The following OTUD7B variants were observed in gnomAD, a reference collection of about 807,000 sequenced individuals.
OTUD7B encodes the protein OTU deubiquitinase 7B.
Under a neutral mutation model 82.2 loss-of-function variants are expected in OTUD7B, and 34 were observed. The observed-to-expected ratio is 0.41, with a 90% confidence interval of 0.31 to 0.55. The LOEUF is 0.55. OTUD7B is among the 20% of genes least tolerant of loss of function. The pLI, the probability that OTUD7B is intolerant of heterozygous loss-of-function variation, is 0.20. For missense variants in OTUD7B, 944 were observed against 1,062.1 expected, an observed-to-expected ratio of 0.89 and a Z score of 1.55; for synonymous variants, 398 against 402.7, an observed-to-expected ratio of 0.99 and a Z score of 0.14.
chr1:150,007,670 C>G (rs1422910321), intron 1 of OTUD7B, among the ~76,000 whole-genome samples: 3 of 152,144 alleles, frequency 2.0e-5, no homozygotes, highest in African/African-American at 4.8e-5. Flanking sequence ...CATTACTCAG[C>G]AAGGATGTCT....
rs2092736185 is a variant in OTUD7B at position 149,937,882 on chromosome 1, A to G, written c.*5975T>C. On this transcript the variant is annotated 3_prime_UTR_variant, in exon 12 of 12. Coordinates refer to ENST00000581312, the MANE Select transcript of OTUD7B (RefSeq NM_020205.4). Reference sequence around the variant, plus strand: ...GCAGCAATCCTTAGATGGGGGCCCCAGTTTTCCAAAGTGACACTCAATTTT... The same window carrying G: ...GCAGCAATCCTTAGATGGGGGCCCCGGTTTTCCAAAGTGACACTCAATTTT... 6.6e-6 allele frequency: 1 copy of G among 152,200 alleles called. No individual in the cohort carries two copies. The highest frequency in any genetic ancestry group is 1.5e-5 in the Non-Finnish European group (1 of 68,052). The allele number at this position is 152,200 out of a possible 1,614,324, so 9.4% of individuals were successfully genotyped here.
chr1:150,019,396 C>A, the OTUD7B span, among the ~76,000 whole-genome samples: 17 of 152,236 alleles, frequency 1.1e-4, no homozygotes, highest in East Asian at 3.3e-3. Context: ...GAGACAGGGT[C>A]TTGCTCTGTT....
the OTUD7B span, among the ~76,000 whole-genome samples, chr1:150,026,910 A>G: frequency 6.6e-6 from 1 of 152,208 alleles, no homozygotes; most frequent in Non-Finnish European, 1.5e-5. Flanking sequence ...GTAATTTGCA[A>G]TCAAAAGTAT....
intron 1 of OTUD7B, among the ~76,000 whole-genome samples, chr1:149,999,454 T>C (rs1170392890): frequency 1.3e-5 from 2 of 152,344 alleles, no homozygotes; most frequent in South Asian, 2.1e-4. Flanking sequence ...TTAGAACTGA[T>C]AGAAATTTTC....
chr1:149,958,978 T>C (rs1248343484), intron 7 of OTUD7B, among the ~76,000 whole-genome samples: 3 of 151,962 alleles, frequency 2.0e-5, no homozygotes, highest in Non-Finnish European at 4.4e-5. Flanking sequence ...TCCCAGCACT[T>C]TGGGAGGCCA....
intron 11 of OTUD7B, among the ~76,000 whole-genome samples, chr1:149,946,697 G>C (rs1376088801): frequency 6.8e-6 from 1 of 146,106 alleles, no homozygotes; most frequent in Non-Finnish European, 1.5e-5. Context: ...AGCCAAGATT[G>C]TGCCACTGCA....
the OTUD7B span, among the ~76,000 whole-genome samples, chr1:150,019,787 A>C: frequency 6.6e-6 from 1 of 152,188 alleles, no homozygotes. Context: ...GATTTCAGAG[A>C]GCTCATAGAT....
chr1:150,014,903 T>C (rs938285129), upstream of OTUD7B, among the ~76,000 whole-genome samples: 4 of 101,942 alleles, frequency 3.9e-5, no homozygotes, highest in Admixed American at 4.7e-4. Context: ...GATCACTATA[T>C]GTGAATTTTG....
At chr1:149,991,515 G>A (rs1553782080) in intron 1 of OTUD7B, among the ~76,000 whole-genome samples, 3 of 152,090 alleles carry the variant, frequency 2.0e-5, no homozygotes, top group Non-Finnish European at 4.4e-5. Context: ...CAAACCTGGT[G>A]GTGAGGTACA....
the OTUD7B span, among the ~76,000 whole-genome samples, chr1:150,031,313 T>C: frequency 6.6e-6 from 1 of 152,212 alleles, no homozygotes; most frequent in Non-Finnish European, 1.5e-5. Context: ...TTGCTGTTTC[T>C]GGCTCAGTGC....
At chr1:150,053,797 T>G in the OTUD7B span, 3 of 211,020 alleles carry the variant, frequency 1.4e-5, no homozygotes, top group African/African-American at 7.0e-5. Context: ...AAAACCACAA[T>G]GAGATACCAT....
upstream of OTUD7B, among the ~76,000 whole-genome samples, chr1:150,013,937 A>AAATATAT (rs1343558056): frequency 1.2e-5 from 1 of 81,844 alleles, no homozygotes; most frequent in East Asian, 3.4e-4. Context: ...AAAAAAAAAT[A>AAATATAT]ATATATATAT....
At chr1:150,016,452 C>CTTT in the OTUD7B span, among the ~76,000 whole-genome samples, 1 of 106,608 alleles carries the variant, frequency 9.4e-6, no homozygotes, top group African/African-American at 3.5e-5. Flanking sequence ...TTTTCTTTTT[C>CTTT]TTTTTTTTTT....
intron 1 of OTUD7B, among the ~76,000 whole-genome samples, chr1:149,989,349 T>A (rs1651400504): frequency 1.3e-5 from 2 of 151,672 alleles, no homozygotes; most frequent in South Asian, 4.2e-4. Flanking sequence ...GGTGGGCACC[T>A]GTAATCCCAG....
In OTUD7B at chr1:149,947,255, G is replaced by A. The variant is rs1553772357; in HGVS notation, c.1319C>T (p.Ala440Val). Residue 440 changes from alanine (A) to valine (V), a missense_variant, in exon 11 of 12, where the codon GCA (alanine) becomes GTA (valine). Transcript: ENST00000581312. ...AGATGTGGGAGAAGTCTTCACCTGT[G>A]CATCAGAGGACAGTGGGATCCACTT... ...NVKWIPLSSDAQAPLAQPESP... is the reference protein window; with the variant it reads ...NVKWIPLSSDVQAPLAQPESP... The A allele has an allele frequency of 1.3e-6, 2 of 1,581,430 alleles. No homozygotes were observed. The highest frequency in any genetic ancestry group is 1.3e-5 in the African/African-American group (1 of 74,398).
rs1553770327 is a variant in OTUD7B, at chr1:149,941,126, A to G, written c.*2731T>C. The G allele has an allele frequency of 1.3e-5, 2 of 152,194 alleles. No individual in the cohort carries two copies. The highest frequency in any genetic ancestry group is 1.5e-5 in the Non-Finnish European group (1 of 68,030). The allele number at this position is 152,194 out of a possible 1,614,324, so 9.4% of individuals were successfully genotyped here. On this transcript the variant is annotated 3_prime_UTR_variant, in exon 12 of 12. Transcript: ENST00000581312. ...TCCATCTTTTTTTATTTGAAAATAA[A>G]GCAAACGGAATTGGGATTGGCTAAC...
chr1:149,960,148 G>A (rs1407222385), intron 6 of OTUD7B, among the ~76,000 whole-genome samples: 2 of 151,988 alleles, frequency 1.3e-5, no homozygotes, highest in Admixed American at 1.3e-4. Context: ...TCCCATCTTA[G>A]CCTTCACATG....
the OTUD7B span, among the ~76,000 whole-genome samples, chr1:150,024,215 A>C: frequency 1.3e-5 from 2 of 152,212 alleles, no homozygotes; most frequent in Non-Finnish European, 2.9e-5. Flanking sequence ...TTTGTTTTAG[A>C]TCACCAACTC....
At chr1:150,012,753 G>A (rs587672190), upstream of OTUD7B, among the ~76,000 whole-genome samples, 7 of 152,270 alleles carry the variant, frequency 4.6e-5, 1 homozygote, top group South Asian at 1.5e-3. Flanking sequence ...AGGAAGTGAT[G>A]GGGTCACAGT....
Sources: gnomAD v4.1 joint callset for allele counts (sites outside exome capture counted in the v4.1 genomes callset) on GRCh38, gnomAD v4.1.1 for gene constraint, MANE v1.5 for transcripts, NCBI Gene and HGNC (gene_info 2026-07-23, HGNC 2026-07-21) for gene names.